NCKAP5: variants seen among roughly 807,000 people sequenced by gnomAD.
The protein encoded by NCKAP5 is NCK associated protein 5.
NCKAP5 carries 92 observed loss-of-function variants against 167.0 expected under a neutral mutation model. The ratio of observed to expected loss-of-function variants is 0.55; its 90% CI spans 0.47 to 0.66. The LOEUF (loss-of-function observed/expected upper bound fraction) is 0.66. Among genes scored for constraint, NCKAP5 ranks in the 30% least tolerant of loss-of-function variants. NCKAP5 has a pLI of 0.00. For synonymous variants in NCKAP5, 891 were observed against 877.4 expected, an observed-to-expected ratio of 1.02 and a Z score of -0.27; for missense variants, 2,378 against 2,315.0, an observed-to-expected ratio of 1.03 and a Z score of -0.56.
intron 8 of NCKAP5, among the ~76,000 whole-genome samples, chr2:132,896,946 AT>A (rs1383973320): frequency 5.3e-5 from 8 of 152,144 alleles, no homozygotes; most frequent in Admixed American, 1.3e-4. Context: ...TCTTAGCTTT[AT>A]TTTTTTCCCT....
intron 6 of NCKAP5, among the ~76,000 whole-genome samples, chr2:133,016,347 G>A (rs550782879): frequency 3.6e-4 from 55 of 152,308 alleles, no homozygotes; most frequent in African/African-American, 1.3e-3. Flanking sequence ...ACAAAAAAAG[G>A]TGATGAAAAT....
chr2:133,324,083 G>A (rs767109963), intron 3 of NCKAP5, among the ~76,000 whole-genome samples: 1 of 152,136 alleles, frequency 6.6e-6, no homozygotes, highest in Admixed American at 6.5e-5. Flanking sequence ...CTTTGGCTCC[G>A]GGAGGTTTCC....
chr2:133,471,777 A>T (rs1309390756), intron 3 of NCKAP5, among the ~76,000 whole-genome samples: 1 of 152,114 alleles, frequency 6.6e-6, no homozygotes, highest in African/African-American at 2.4e-5. Context: ...GTCCTGACCA[A>T]ATGCCCTCTA....
intron 4 of NCKAP5, among the ~76,000 whole-genome samples, chr2:133,237,171 T>TA (rs1023700719): frequency 7.2e-5 from 11 of 152,106 alleles, no homozygotes; most frequent in African/African-American, 1.7e-4. Context: ...TTGCTTATTT[T>TA]AAAAAAAAGC....
chr2:133,510,348 T>C (rs1683379720), intron 3 of NCKAP5, among the ~76,000 whole-genome samples: 1 of 151,960 alleles, frequency 6.6e-6, no homozygotes, highest in Non-Finnish European at 1.5e-5. Context: ...AGTTCTCATA[T>C]GAATAAAAAC....
At chr2:133,026,265 T>G (rs187799153) in intron 6 of NCKAP5, among the ~76,000 whole-genome samples, 141 of 152,274 alleles carry the variant, frequency 9.3e-4, no homozygotes, top group African/African-American at 3.2e-3. Flanking sequence ...GATGGATAGA[T>G]TGCAAAAATT....
At chr2:133,451,465 G>A (rs1691546318) in intron 3 of NCKAP5, among the ~76,000 whole-genome samples, 1 of 152,186 alleles carries the variant, frequency 6.6e-6, no homozygotes, top group Non-Finnish European at 1.5e-5. Context: ...ATTTTCTGCT[G>A]AAAAGTGAGT....
intron 4 of NCKAP5, among the ~76,000 whole-genome samples, chr2:133,278,194 A>G (rs1014308040): frequency 6.6e-6 from 1 of 152,224 alleles, no homozygotes; most frequent in Non-Finnish European, 1.5e-5. Context: ...GCTGTAACAA[A>G]TTATCGCAAA....
chr2:132,871,497 G>A (rs939197904), intron 9 of NCKAP5, among the ~76,000 whole-genome samples: 1 of 151,660 alleles, frequency 6.6e-6, no homozygotes, highest in African/African-American at 2.4e-5. Flanking sequence ...TCTCCCAATT[G>A]GTCTCTCACT....
At chr2:133,566,137 C>T (rs1688540615) in intron 1 of NCKAP5, among the ~76,000 whole-genome samples, 2 of 152,108 alleles carry the variant, frequency 1.3e-5, no homozygotes, top group Non-Finnish European at 1.5e-5. Flanking sequence ...CGGGTGTATG[C>T]GATCTAGCTG....
chr2:133,531,798 T>G (rs1215264555), intron 2 of NCKAP5, among the ~76,000 whole-genome samples: 1 of 152,216 alleles, frequency 6.6e-6, no homozygotes, highest in East Asian at 1.9e-4. Flanking sequence ...TTAAACATAC[T>G]GAAAAGTACA....
chr2:133,232,889 C>T lies in NCKAP5; in HGVS notation c.144-19110G>A, dbSNP rs143851349. ...TCTTGATAAGAATATACCTCAATGG[C>T]AAAATGTCTCCTTCTATATAATCTG... On this transcript the variant is annotated intron_variant, in intron 4 of 19. Transcript: ENST00000409261. Among the ~76,000 whole-genome samples, 5 of 152,216 alleles carry T rather than the reference C, an allele frequency of 3.3e-5. No individual in the cohort carries two copies. In the East Asian group the frequency reaches 9.6e-4, roughly 29 times the overall value.
intron 5 of NCKAP5, among the ~76,000 whole-genome samples, chr2:133,143,345 C>T (rs1305722768): frequency 6.6e-6 from 1 of 152,158 alleles, no homozygotes; most frequent in Non-Finnish European, 1.5e-5. Flanking sequence ...GGCTCTCCAC[C>T]TCTTAGGCCA....
chr2:133,442,428 C>T (rs545671884), intron 3 of NCKAP5, among the ~76,000 whole-genome samples: 7 of 152,346 alleles, frequency 4.6e-5, no homozygotes, highest in Non-Finnish European at 1.0e-4. Context: ...TGCCTAACAG[C>T]TCCCCTCTGA....
At chr2:132,994,271 A>G in intron 6 of NCKAP5, 32 bp from the exon 7 acceptor site, 2 of 1,487,510 alleles carry the variant, frequency 1.3e-6, no homozygotes, top group Non-Finnish European at 1.8e-6. Context: ...AATTTCTTAA[A>G]GAAGGTTTCT....
Position 132,731,930 on chromosome 2 carries a change from A to C in NCKAP5, c.5250T>G (p.Pro1750=), listed in dbSNP as rs764055033. ...CQPDSPEDAE[P]LLPLQSALSA... ...AAAGGGCTGACTGGAGAGGCAGGAG[A>C]GGCTCAGCGTCCTCTGGGGAGTCTG... The change falls in exon 17 of 20, where the codon CCT becomes CCG. Residue 1750 remains proline, a synonymous_variant. Transcript: ENST00000409261. 6.2e-7 allele frequency: 1 copy of C among 1,613,764 alleles called. No individual in the cohort carries two copies. Among genetic ancestry groups the C allele is most frequent in the African/African-American group, 1.3e-5 (1 of 74,896 alleles).
In NCKAP5 at chr2:132,801,524, T is replaced by C. The variant is rs150952460; in HGVS notation, c.808-4795A>G. Among the ~76,000 whole-genome samples the C allele has an allele frequency of 1.4e-3, 215 of 152,302 alleles. 1 individual carries two copies. Among genetic ancestry groups the C allele is most frequent in the African/African-American group, 4.9e-3 (204 of 41,568 alleles). On this transcript the variant is annotated intron_variant, in intron 11 of 19. Coordinates refer to ENST00000409261, the MANE Select transcript of NCKAP5 (RefSeq NM_207363.3). ...TGACAACCCCACTGAAGATTCTAGC[T>C]TCATAGGAAAGAGACCTGCTTTCTG...
chr2:132,905,064 C>G (rs1282951951), intron 8 of NCKAP5, among the ~76,000 whole-genome samples: 1 of 152,150 alleles, frequency 6.6e-6, no homozygotes, highest in East Asian at 1.9e-4. Flanking sequence ...TAAATAGCCA[C>G]TTTTGTTTTC....
intron 6 of NCKAP5, among the ~76,000 whole-genome samples, chr2:133,051,369 A>C (rs1319682746): frequency 6.6e-6 from 1 of 152,248 alleles, no homozygotes; most frequent in African/African-American, 2.4e-5. Flanking sequence ...AAGGTCTTAG[A>C]AAATTACTTT....
Sources: gnomAD v4.1 joint callset for allele counts (sites outside exome capture counted in the v4.1 genomes callset) on GRCh38, gnomAD v4.1.1 for gene constraint, MANE v1.5 for transcripts, NCBI Gene and HGNC (gene_info 2026-07-23, HGNC 2026-07-21) for gene names.